Variants in PPFIA2 observed in about 807,000 individuals in gnomAD.
The protein encoded by PPFIA2 is liprin-alpha-2.
In PPFIA2, 46 loss-of-function variants were observed where a neutral mutation model predicts 175.5. The observed-to-expected ratio is 0.26, with a 90% CI of 0.21 to 0.34. PPFIA2 has a LOEUF of 0.34. Among genes scored for constraint, PPFIA2 ranks in the 10% least tolerant of loss-of-function variants. The probability of loss-of-function intolerance (pLI) is 1.00; values close to 1 mark genes in which losing one functional copy is unlikely to be tolerated. For synonymous variants in PPFIA2, 568 were observed against 511.4 expected, an observed-to-expected ratio of 1.11 and a Z score of -1.49; for missense variants, 1,179 against 1,506.1, an observed-to-expected ratio of 0.78 and a Z score of 3.60.
intron 4 of PPFIA2, among the ~76,000 whole-genome samples, chr12:81,534,641 G>A (rs915665278): frequency 1.3e-4 from 19 of 151,450 alleles, no homozygotes; most frequent in African/African-American, 4.6e-4. Flanking sequence ...TCATAGCAAG[G>A]CACTCTTTCA....
chr12:81,565,342 C>T (rs1012457260), intron 4 of PPFIA2, among the ~76,000 whole-genome samples: 1 of 152,172 alleles, frequency 6.6e-6, no homozygotes, highest in Admixed American at 6.5e-5. Context: ...ACATCTTTCT[C>T]CCGTGCTGGA....
chr12:81,319,108 C>T (rs2053105696), intron 22 of PPFIA2, among the ~76,000 whole-genome samples: 1 of 151,612 alleles, frequency 6.6e-6, no homozygotes, highest in South Asian at 2.1e-4. Context: ...AAAAATGTTT[C>T]TCCTGGCAGA....
intron 4 of PPFIA2, chr12:81,598,240 T>G (rs2059454579): frequency 7.4e-7 from 1 of 1,351,510 alleles, no homozygotes. Flanking sequence ...ACCGACCTTT[T>G]GTGAAGCTAG....
chr12:81,425,753 A>G (rs1338741745), intron 7 of PPFIA2, among the ~76,000 whole-genome samples: 1 of 152,126 alleles, frequency 6.6e-6, no homozygotes, highest in Non-Finnish European at 1.5e-5. Flanking sequence ...CAAAACTTCC[A>G]CGACACATTT....
chr12:81,563,451 C>A (rs535008475), intron 4 of PPFIA2, among the ~76,000 whole-genome samples: 2 of 152,304 alleles, frequency 1.3e-5, no homozygotes, highest in East Asian at 1.9e-4. Context: ...GCTTGTGGAA[C>A]TTGCTTGTGG....
chr12:81,552,127 A>G (rs186954659), intron 4 of PPFIA2, among the ~76,000 whole-genome samples: 31 of 151,844 alleles, frequency 2.0e-4, no homozygotes, highest in Admixed American at 1.1e-3. Flanking sequence ...CTATTATAGT[A>G]ACCAAAATAA....
Position 81,728,315 on chromosome 12 carries a change from C to T in PPFIA2, c.249+25658G>A, listed in dbSNP as rs536576366. Among the ~76,000 whole-genome samples the T allele has an allele frequency of 2.4e-4, 37 of 151,438 alleles. 1 individual carries two copies. In the South Asian group the frequency reaches 4.6e-3, roughly 19 times the overall value. On this transcript the variant is annotated intron_variant, in intron 3 of 32. Transcript: ENST00000549396. ...TTAAAATAGTCATGACTTTCAATCACATAAACATAATATTAAAAATGTCAA... is the reference window on the plus strand; with the variant it reads ...TTAAAATAGTCATGACTTTCAATCATATAAACATAATATTAAAAATGTCAA...
Position 81,713,040 on chromosome 12 carries a change from C to G in PPFIA2, c.250-36196G>C, listed in dbSNP as rs959905245. Among the ~76,000 whole-genome samples, 2 of 151,186 alleles carry G rather than the reference C, an allele frequency of 1.3e-5. 1 individual carries two copies. Among genetic ancestry groups the G allele is most frequent in the Admixed American group, 1.4e-4 (2 of 14,800 alleles). On this transcript the variant is annotated intron_variant, in intron 3 of 32. Transcript: ENST00000549396. ...TTTTTCATTTTCTTTGTCTTCTTTG[C>G]TCATAATACAATTAAATATTATGCC...
intron 4 of PPFIA2, among the ~76,000 whole-genome samples, chr12:81,549,133 G>T (rs1018488885): frequency 2.0e-5 from 3 of 152,000 alleles, no homozygotes; most frequent in African/African-American, 4.8e-5. Context: ...ATCCCTTAGA[G>T]ATATCTGCCT....
chr12:81,693,100 T>C (rs10862343), intron 3 of PPFIA2, among the ~76,000 whole-genome samples: 51,932 of 151,944 alleles, frequency 0.34, 9,687 homozygotes, highest in Middle Eastern at 0.5. Flanking sequence ...TGAAAATATC[T>C]ATCCAACTCA....
chr12:81,276,265 GA>G (rs1329469273), intron 28 of PPFIA2, among the ~76,000 whole-genome samples: 1 of 152,182 alleles, frequency 6.6e-6, no homozygotes, highest in Non-Finnish European at 1.5e-5. Flanking sequence ...TGGAGTCTCA[GA>G]AGGGTGGGAG....
chr12:81,263,993 C>T (rs2036456553), intron 30 of PPFIA2, among the ~76,000 whole-genome samples: 1 of 152,134 alleles, frequency 6.6e-6, no homozygotes. Flanking sequence ...AGCCTGGACA[C>T]CATCCTTTCA....
chr12:81,599,241 GTCATA>G (rs1347442248), intron 4 of PPFIA2, among the ~76,000 whole-genome samples: 2 of 151,900 alleles, frequency 1.3e-5, no homozygotes, highest in Non-Finnish European at 2.9e-5. Flanking sequence ...AGATGACATA[GTCATA>G]CATAATAAAA....
intron 4 of PPFIA2, among the ~76,000 whole-genome samples, chr12:81,564,470 C>A (rs866963014): frequency 6.6e-6 from 1 of 152,086 alleles, no homozygotes; most frequent in African/African-American, 2.4e-5. Context: ...GTACAGTGAA[C>A]TGCTATTAAG....
At chr12:81,735,308 G>T (rs1307191470) in intron 3 of PPFIA2, among the ~76,000 whole-genome samples, 3 of 151,752 alleles carry the variant, frequency 2.0e-5, no homozygotes, top group African/African-American at 7.2e-5. Flanking sequence ...ATTCTAGATG[G>T]TGTGAAATGT....
At chr12:81,335,535 G>A (rs1382920718) in intron 21 of PPFIA2, among the ~76,000 whole-genome samples, 1 of 152,130 alleles carries the variant, frequency 6.6e-6, no homozygotes, top group Non-Finnish European at 1.5e-5. Flanking sequence ...CTGAGGTCAG[G>A]AGTTAAGAGA....
At chr12:81,367,736 A>G (rs955324606) in intron 13 of PPFIA2, among the ~76,000 whole-genome samples, 15 of 151,814 alleles carry the variant, frequency 9.9e-5, no homozygotes, top group African/African-American at 3.6e-4. Context: ...ATAAGTTGGC[A>G]TCATAGATAC....
At chr12:81,275,210 C>T (rs2040202972) in intron 28 of PPFIA2, among the ~76,000 whole-genome samples, 1 of 152,156 alleles carries the variant, frequency 6.6e-6, no homozygotes, top group Admixed American at 6.5e-5. Context: ...CTGAAAACAA[C>T]CTGCAGTTTC....
At chr12:81,736,419 G>T (rs184190525) in intron 3 of PPFIA2, among the ~76,000 whole-genome samples, 111 of 152,028 alleles carry the variant, frequency 7.3e-4, no homozygotes, top group African/African-American at 2.3e-3. Flanking sequence ...TGCTGAATTG[G>T]TTTATTCATT....
Sources: allele counts gnomAD v4.1 joint callset (sites outside exome capture counted in the v4.1 genomes callset), GRCh38; gene constraint gnomAD v4.1.1; transcripts MANE v1.5; gene names NCBI Gene and HGNC (gene_info 2026-07-23, HGNC 2026-07-21).